SPEF2: variants seen among roughly 807,000 people sequenced by gnomAD.
SPEF2 encodes the protein sperm flagella and cilia-associated protein 2.
A neutral mutation model predicts 224.6 loss-of-function variants in SPEF2; 187 were observed. That is an observed-to-expected ratio of 0.83 (90% CI 0.74 to 0.94). The LOEUF (loss-of-function observed/expected upper bound fraction) is 0.94, where lower values mean the gene tolerates loss of function less well. SPEF2 is among the 40% of genes least tolerant of loss of function. The probability of loss-of-function intolerance (pLI) is 0.00; values close to 1 mark genes in which losing one functional copy is unlikely to be tolerated. For missense variants in SPEF2, 2,170 were observed against 2,135.6 expected (o/e 1.02, Z -0.32); for synonymous variants, 715 against 707.3 (o/e 1.01, Z -0.17).
intron 26 of SPEF2, among the ~76,000 whole-genome samples, chr5:35,764,372 A>T (rs1751781839): frequency 6.6e-6 from 1 of 151,996 alleles, no homozygotes; most frequent in Admixed American, 6.6e-5. Context: ...TATCCAAATG[A>T]AATTTGAACC....
At chr5:35,708,894 ATAG>A in intron 18 of SPEF2, 51 bp from the exon 19 acceptor site, 1 of 1,461,180 alleles carries the variant, frequency 6.8e-7, no homozygotes, top group Non-Finnish European at 9.3e-7. Flanking sequence ...TTCAAGTGAA[ATAG>A]TAGATTTCTA....
chr5:35,691,249 A>G lies in SPEF2; in HGVS notation c.1737A>G (p.Leu579=), dbSNP rs1754430386. 6.2e-7 allele frequency: 1 copy of G among 1,613,306 alleles called. No homozygotes were observed. The highest frequency in any genetic ancestry group is 8.5e-7 in the Non-Finnish European group (1 of 1,179,452). The change falls in exon 11 of 37, where the codon CTA becomes CTG. Residue 579 remains leucine (L), a synonymous_variant. Coordinates refer to ENST00000356031, the MANE Select transcript of SPEF2 (RefSeq NM_024867.4). ...LSGKTTILRS[L]QKDFPIQILS... ...GAAAAACTACCATTTTAAGGTCTCT[A>G]CAAAAAGGTAGAATTTCTTCTCCTA...
rs768626487 is a variant in SPEF2 at position 35,800,012 on chromosome 5, G to A, written c.4875G>A (p.Gln1625=). 3 of 1,614,032 alleles carry A rather than the reference G, an allele frequency of 1.9e-6. No individual in the cohort carries two copies. Among genetic ancestry groups the A allele is most frequent in the Non-Finnish European group, 2.5e-6 (3 of 1,180,000 alleles). ...CTGACTATGAGAAGGATCCACCCCA[G>A]CTTGACTACACACAGATGCTGCTTT... ...LFADYEKDPP[Q]LDYTQMLLYF... is the part of the protein sequence containing the mutation. The change falls in exon 34 of 37, where the codon CAG becomes CAA. Residue 1625 remains glutamine, a synonymous_variant. Transcript: ENST00000356031.
chr5:35,662,271 TTG>T (rs879498151), intron 8 of SPEF2, among the ~76,000 whole-genome samples: 1 of 152,070 alleles, frequency 6.6e-6, no homozygotes, highest in Admixed American at 6.6e-5. Context: ...TTTAATGGGG[TTG>T]TTTGTTTTTT....
intron 6 of SPEF2, 37 bp downstream of exon 6, chr5:35,649,462 A>G: frequency 6.6e-7 from 1 of 1,509,638 alleles, no homozygotes; most frequent in South Asian, 1.2e-5. Context: ...ACAAAACCGC[A>G]TTCTGTTCTA....
At position 35,709,046 on chromosome 5, in the gene SPEF2, C is replaced by A; in HGVS notation, c.2764C>A (p.Pro922Thr). 1 of 1,613,890 alleles carries A rather than the reference C, an allele frequency of 6.2e-7. No homozygotes were observed. Among genetic ancestry groups the A allele is most frequent in the Non-Finnish European group, 8.5e-7 (1 of 1,179,944 alleles). ...ACCTCCTCCTGCTCCTCCTCCTGAA[C>A]CAGAAAAAGAGAAGGAAATTCATCA... ...PTPPPAPPPE[P>T]EKEKEIHQSH... Residue 922 changes from proline (P) to threonine (T), a missense_variant, in exon 19 of 37, where the codon CCA becomes ACA. Pro to Thr is a conservative substitution (Grantham distance 38). Coordinates refer to ENST00000356031, the MANE Select transcript of SPEF2 (RefSeq NM_024867.4).
intron 30 of SPEF2, chr5:35,788,575 T>A (rs1345214909): frequency 1.4e-6 from 1 of 702,694 alleles, no homozygotes; most frequent in African/African-American, 1.7e-5. Context: ...AAAGAAATGA[T>A]CCTCTGGCAA....
intron 5 of SPEF2, among the ~76,000 whole-genome samples, chr5:35,648,218 T>C (rs891851409): frequency 6.6e-6 from 1 of 151,936 alleles, no homozygotes; most frequent in African/African-American, 2.4e-5. Context: ...CCTAAATCCA[T>C]TGAATTTTAC....
In SPEF2 at chr5:35,762,956, T is replaced by C. The variant is rs528375944; in HGVS notation, c.3621-566T>C. On this transcript the variant is annotated intron_variant, in intron 25 of 36. Transcript: ENST00000356031. ...TGCTGTAGGCTACCCCCACCCACCA[T>C]CAAAACTTAGCTGCCTCTGTGCAGT... Among the ~76,000 whole-genome samples, 30 of 152,234 alleles carry C rather than the reference T, an allele frequency of 2.0e-4. 1 individual carries two copies. The highest frequency in any genetic ancestry group is 7.0e-4 in the African/African-American group (29 of 41,552).
chr5:35,682,818 AT>A (rs1753021986), intron 10 of SPEF2, among the ~76,000 whole-genome samples: 1 of 152,232 alleles, frequency 6.6e-6, no homozygotes, highest in African/African-American at 2.4e-5. Context: ...AGGAAGCTCC[AT>A]TCCCAACTTG....
At chr5:35,805,569 A>C (rs2149869800) in intron 34 of SPEF2, among the ~76,000 whole-genome samples, 1 of 152,322 alleles carries the variant, frequency 6.6e-6, no homozygotes, top group Admixed American at 6.5e-5. Context: ...CCAGCCAAAA[A>C]TGCCAAAATG....
intron 5 of SPEF2, among the ~76,000 whole-genome samples, chr5:35,647,828 A>T (rs965661144): frequency 6.6e-6 from 1 of 152,186 alleles, no homozygotes; most frequent in Non-Finnish European, 1.5e-5. Context: ...TTTAAATTTA[A>T]GATACCTGTA....
rs550613875 is a variant in SPEF2, at chr5:35,812,010, G to A, written c.5380-2454G>A. On this transcript the variant is annotated intron_variant, in intron 36 of 36. Transcript: ENST00000356031. ...TCAATGTGTTAGCCAGGATGGTCTC[G>A]ATCCCCTGATCTCGTGATCCGCCCA... is the stretch of plus-strand genomic sequence containing the variant. Among the ~76,000 whole-genome samples, 5 of 151,916 alleles carry A rather than the reference G, an allele frequency of 3.3e-5. No individual in the cohort carries two copies. In the South Asian group the frequency reaches 8.3e-4, roughly 25 times the overall value.
intron 30 of SPEF2, among the ~76,000 whole-genome samples, chr5:35,779,861 T>C (rs1050486657): frequency 3.3e-5 from 5 of 152,196 alleles, no homozygotes; most frequent in African/African-American, 1.2e-4. Flanking sequence ...TGTGTAAATG[T>C]TTTCTGCACA....
intron 19 of SPEF2, chr5:35,709,613 G>T: frequency 1.0e-6 from 1 of 984,868 alleles, no homozygotes; most frequent in South Asian, 4.7e-5. Context: ...TAAAAGTATA[G>T]AAACAAGCTC....
intron 24 of SPEF2, among the ~76,000 whole-genome samples, chr5:35,757,119 ATC>A (rs1473873114): frequency 7.0e-6 from 1 of 143,798 alleles, no homozygotes; most frequent in Non-Finnish European, 1.6e-5. Context: ...AATTAAAAAT[ATC>A]GTTTACTAGT....
chr5:35,713,107 A>G (rs2149602990), intron 20 of SPEF2, among the ~76,000 whole-genome samples: 1 of 152,294 alleles, frequency 6.6e-6, no homozygotes, highest in East Asian at 1.9e-4. Context: ...TAATTTAGAC[A>G]ATATCTAATA....
At chr5:35,645,493 G>C (rs1036865465) in intron 4 of SPEF2, among the ~76,000 whole-genome samples, 2 of 152,154 alleles carry the variant, frequency 1.3e-5, no homozygotes, top group African/African-American at 4.8e-5. Flanking sequence ...AACTGGAGTA[G>C]AGTTTATATA....
rs74553259 is a variant in SPEF2, at chr5:35,648,331, A to G, written c.727-1030A>G. Among the ~76,000 whole-genome samples, 524 of 151,438 alleles carry G rather than the reference A, an allele frequency of 3.5e-3. 5 individuals are homozygous for G. The highest frequency in any genetic ancestry group is 0.012 in the African/African-American group (502 of 41,272). On this transcript the variant is annotated intron_variant, in intron 5 of 36. Transcript: ENST00000356031. ...GGCTTTTATCTGACTCCATTTCACT[A>G]TCTACCTTTCATATGTCCCTGAGTT...
Sources: gnomAD v4.1 joint callset for allele counts (sites outside exome capture counted in the v4.1 genomes callset) on GRCh38, gnomAD v4.1.1 for gene constraint, MANE v1.5 for transcripts, NCBI Gene and HGNC (gene_info 2026-07-23, HGNC 2026-07-21) for gene names.